Variants in FBXL18 observed in about 807,000 individuals in gnomAD.
FBXL18 encodes F-box/LRR-repeat protein 18.
A neutral mutation model predicts 46.0 loss-of-function variants in FBXL18; 36 were observed. That is an observed-to-expected ratio of 0.78 (90% CI 0.60 to 1.03). The LOEUF (loss-of-function observed/expected upper bound fraction) is 1.03, where lower values mean the gene tolerates loss of function less well. Ranked by LOEUF, FBXL18 falls within the 50% of genes least tolerant of loss-of-function variation. The pLI, the probability that FBXL18 is intolerant of heterozygous loss-of-function variation, is 0.00. For missense variants in FBXL18, 977 were observed against 1,004.1 expected (o/e 0.97, Z 0.36); for synonymous variants, 557 against 465.3 (o/e 1.20, Z -2.54).
rs1414103020 is a variant in FBXL18, at chr7:5,485,356, T to C, written c.2001-3425A>G. Among the ~76,000 whole-genome samples the C allele has an allele frequency of 3.9e-5, 6 of 152,246 alleles. No individual in the cohort carries two copies. The East Asian group carries it at 1.2e-3, about 29-fold the overall frequency. On this transcript the variant is annotated intron_variant, in intron 4 of 4. Transcript: ENST00000382368. ...GCGGCTTCATAGTCTGCTACGTACATAATGAGGCTCAAAAAGACTGAGTTT... is the reference window on the plus strand; with the variant it reads ...GCGGCTTCATAGTCTGCTACGTACACAATGAGGCTCAAAAAGACTGAGTTT...
intron 4 of FBXL18, among the ~76,000 whole-genome samples, chr7:5,469,891 C>A (rs1472338889): frequency 6.7e-6 from 1 of 149,414 alleles, no homozygotes. Context: ...GGTGTGTGTG[C>A]GAGGGCATGT....
At chr7:5,461,393 G>A (rs1436403965) in intron 4 of FBXL18, among the ~76,000 whole-genome samples, 1 of 151,914 alleles carries the variant, frequency 6.6e-6, no homozygotes, top group Non-Finnish European at 1.5e-5. Context: ...ATACTCGGTT[G>A]ATACAAAAGT....
rs149522744 is a variant in FBXL18, at chr7:5,484,742, G to A, written c.2001-2811C>T. Among the ~76,000 whole-genome samples, 458 of 150,776 alleles carry A rather than the reference G, an allele frequency of 3.0e-3. 2 individuals are homozygous for A. The highest frequency in any genetic ancestry group is 0.011 in the African/African-American group (432 of 40,992). On this transcript the variant is annotated intron_variant, in intron 4 of 4. Coordinates refer to ENST00000382368, the MANE Select transcript of FBXL18 (RefSeq NM_024963.6). ...CAACCTCCGCCTCCCGAGCTTAAAC[G>A]ATTTTCCCGTCTCAGCCTCCCAAGC...
chr7:5,484,263 C>A (rs889102341), intron 4 of FBXL18, among the ~76,000 whole-genome samples: 1 of 152,038 alleles, frequency 6.6e-6, no homozygotes, highest in South Asian at 2.1e-4. Flanking sequence ...GTCAGGAGAT[C>A]AAGACCATCC....
downstream of FBXL18, among the ~76,000 whole-genome samples, chr7:5,471,317 C>T (rs1783423560): frequency 6.6e-6 from 1 of 152,226 alleles, no homozygotes; most frequent in Non-Finnish European, 1.5e-5. Context: ...CGCTCTGTCG[C>T]CCAGGCTGGA....
intron 4 of FBXL18, 61 bp downstream of exon 4, chr7:5,491,170 G>C: frequency 6.8e-7 from 1 of 1,462,380 alleles, no homozygotes; most frequent in Admixed American, 2.0e-5. Flanking sequence ...CTGGGGACCA[G>C]GTCACGGGAT....
At chr7:5,498,894 G>C (rs528871394) in intron 3 of FBXL18, among the ~76,000 whole-genome samples, 63 of 152,354 alleles carry the variant, frequency 4.1e-4, no homozygotes, top group Admixed American at 1.4e-3. Context: ...AATTTTTCAA[G>C]ATCAGATTTA....
At position 5,496,143 on chromosome 7, in the gene FBXL18, G is replaced by T. The variant is rs1019657715; in HGVS notation, c.1781+4345C>A. ...GGAGACAAGCAGCCATGTGACCTAGGCAAGTTCATGCACTCTCTGGGCCTT... is the reference window on the plus strand; with the variant it reads ...GGAGACAAGCAGCCATGTGACCTAGTCAAGTTCATGCACTCTCTGGGCCTT... On this transcript the variant is annotated intron_variant, in intron 3 of 4. Transcript: ENST00000382368. The surrounding 1 kb of genome is among the most constrained non-coding windows in gnomAD (Gnocchi z 4.8). 6.6e-6 allele frequency among the ~76,000 whole-genome samples: 1 copy of T among 152,176 alleles called. No homozygotes were observed.
rs752776986 is a variant in FBXL18, at chr7:5,501,357, G to C, written c.912C>G (p.Gly304=). Residue 304 remains glycine, a synonymous_variant, in exon 3 of 5, where the codon GGC becomes GGG. Coordinates refer to ENST00000382368, the MANE Select transcript of FBXL18 (RefSeq NM_024963.6). ...ALQLPKSWLN[G]SSLLQHMKFN... ...ATTTCATGTGCTGCAGGAGGGAAGA[G>C]CCGTTCAGCCAGGACTTGGGCAGCT... is the stretch of plus-strand genomic sequence containing the variant. 1.9e-6 allele frequency: 3 copies of C among 1,614,018 alleles called. No homozygotes were observed. The highest frequency in any genetic ancestry group is 2.5e-6 in the Non-Finnish European group (3 of 1,180,044).
chr7:5,501,396 C>G lies in FBXL18; in HGVS notation c.873G>C (p.Val291=), dbSNP rs1002321875. 1 of 1,613,800 alleles carries G rather than the reference C, an allele frequency of 6.2e-7. No homozygotes were observed. The highest frequency in any genetic ancestry group is 1.7e-5 in the Admixed American group (1 of 59,988). ...ACTTGGGCAGCTGCAGGGCATCCAG[C>G]ACGACATTGCGCGCCATGGAGTCCA... ...NLLDSMARNV[V]LDALQLPKSW... The change falls in exon 3 of 5, where the codon GTG becomes GTC. Residue 291 remains valine, a synonymous_variant. Transcript: ENST00000382368.
At chr7:5,492,494 C>A (rs554309469) in intron 3 of FBXL18, among the ~76,000 whole-genome samples, 1 of 151,752 alleles carries the variant, frequency 6.6e-6, no homozygotes, top group Non-Finnish European at 1.5e-5. Flanking sequence ...GCTGGAGGGA[C>A]GGGCTGAGGC....
At position 5,496,437 on chromosome 7, in the gene FBXL18, G is replaced by A. The variant is rs958391783; in HGVS notation, c.1781+4051C>T. Among the ~76,000 whole-genome samples, 8 of 151,914 alleles carry A rather than the reference G, an allele frequency of 5.3e-5. No individual in the cohort carries two copies. Among genetic ancestry groups the A allele is most frequent in the African/African-American group, 1.9e-4 (8 of 41,332 alleles). ...CCTCTTCCTGGCCAATCCTTGTCAC[G>A]TGTGCCCCAGCCCAATCCGTGGGCT... On this transcript the variant is annotated intron_variant, in intron 3 of 4. Transcript: ENST00000382368. This position sits in a 1 kb window ranked among gnomAD's most constrained non-coding sequence, Gnocchi z 4.8.
rs1226247335 is a variant in FBXL18 at position 5,502,038 on chromosome 7, G to A, written c.238-7C>T. 3 of 1,566,184 alleles carry A rather than the reference G, an allele frequency of 1.9e-6. No homozygotes were observed. The highest frequency in any genetic ancestry group is 2.7e-5 in the African/African-American group (2 of 74,340). On this transcript the variant is annotated splice_polypyrimidine_tract_variant and splice_region_variant and intron_variant, in intron 2 of 4. Coordinates refer to ENST00000382368, the MANE Select transcript of FBXL18 (RefSeq NM_024963.6). ...TCACTTTGTCCTCGCTCGCCTGCGGGACAGAGGCAGGGTGGGGAGAGGAAG... is the reference window on the plus strand; with the variant it reads ...TCACTTTGTCCTCGCTCGCCTGCGGAACAGAGGCAGGGTGGGGAGAGGAAG...
Position 5,505,571 on chromosome 7 carries a change from G to T in FBXL18, c.78C>A (p.Val26=). ...HPAAAGMADG[V]HLLGFSDEIL... is the part of the protein sequence containing the mutation. ...TCTCATCAGAGAACCCTAGGAGGTG[G>T]ACCCCGTCTGCCATCCCGGCTGCTG... is the stretch of plus-strand genomic sequence containing the variant. The change falls in exon 2 of 5, where the codon GTC becomes GTA. Residue 26 remains valine (V), a synonymous_variant. Coordinates refer to ENST00000382368, the MANE Select transcript of FBXL18 (RefSeq NM_024963.6). 6.2e-7 allele frequency: 1 copy of T among 1,614,012 alleles called. No individual in the cohort carries two copies. Among genetic ancestry groups the T allele is most frequent in the East Asian group, 2.2e-5 (1 of 44,872 alleles).
chr7:5,498,765 G>A (rs563838785), intron 3 of FBXL18, among the ~76,000 whole-genome samples: 126 of 152,010 alleles, frequency 8.3e-4, no homozygotes, highest in African/African-American at 2.8e-3. Flanking sequence ...TAGAAACAGA[G>A]TTTTACCATG....
At chr7:5,505,700 C>T in intron 1 of FBXL18, 70 bp from the exon 2 acceptor site, 1 of 1,354,728 alleles carries the variant, frequency 7.4e-7, no homozygotes, top group South Asian at 1.2e-5. Flanking sequence ...TGCAGCTAGG[C>T]AGAGAAGCAA....
At chr7:5,513,438 G>A (rs1176129842) in intron 1 of FBXL18, among the ~76,000 whole-genome samples, 2 of 152,144 alleles carry the variant, frequency 1.3e-5, no homozygotes, top group South Asian at 2.1e-4. Flanking sequence ...ACGAGCGAAG[G>A]GGGAGACAGC....
chr7:5,497,670 G>T (rs2128236826), intron 3 of FBXL18, among the ~76,000 whole-genome samples: 1 of 152,262 alleles, frequency 6.6e-6, no homozygotes, highest in Non-Finnish European at 1.5e-5. Context: ...GATTTACAAG[G>T]GGCGCCCTTA....
intron 4 of FBXL18, among the ~76,000 whole-genome samples, chr7:5,470,349 C>T (rs1783407721): frequency 6.6e-6 from 1 of 152,136 alleles, no homozygotes; most frequent in Non-Finnish European, 1.5e-5. Flanking sequence ...ACATCCACCC[C>T]TCCACCCTGC....
Sources: gnomAD v4.1 joint callset for allele counts (sites outside exome capture counted in the v4.1 genomes callset) on GRCh38, gnomAD v4.1.1 for gene constraint, Gnocchi (gnomAD v3.1) non-coding constraint, MANE v1.5 for transcripts, NCBI Gene and HGNC (gene_info 2026-07-23, HGNC 2026-07-21) for gene names.